Variants in CDH13 observed in about 807,000 individuals in gnomAD.
CDH13 encodes the protein cadherin-13.
CDH13 carries 24 observed loss-of-function variants against 63.8 expected under a neutral mutation model. That is an observed-to-expected ratio of 0.38 (90% CI 0.27 to 0.53). The LOEUF (loss-of-function observed/expected upper bound fraction) is 0.53. Among genes scored for constraint, CDH13 ranks in the 20% least tolerant of loss-of-function variants. CDH13 has a pLI of 0.85. For synonymous variants in CDH13, 503 were observed against 355.3 expected (o/e 1.42, Z -4.67); for missense variants, 1,049 against 903.1 (o/e 1.16, Z -2.07).
chr16:83,657,160 C>T (rs905740078), intron 8 of CDH13, among the ~76,000 whole-genome samples: 1 of 152,294 alleles, frequency 6.6e-6, no homozygotes, highest in South Asian at 2.1e-4. Context: ...AACTAACAGA[C>T]TGTGGATCCA....
chr16:83,163,721 G>A (rs937829266), intron 4 of CDH13, among the ~76,000 whole-genome samples: 4 of 152,058 alleles, frequency 2.6e-5, no homozygotes, highest in Admixed American at 6.6e-5. Flanking sequence ...GGCTTCTTCA[G>A]TGTGGGTTCT....
chr16:83,420,917 A>G (rs1313470728), intron 6 of CDH13, among the ~76,000 whole-genome samples: 1 of 152,212 alleles, frequency 6.6e-6, no homozygotes, highest in African/African-American at 2.4e-5. Flanking sequence ...CTAGCAGGGG[A>G]AAAAGAAGTA....
chr16:83,034,827 A>G (rs1440996742), intron 3 of CDH13, among the ~76,000 whole-genome samples: 1 of 152,108 alleles, frequency 6.6e-6, no homozygotes, highest in African/African-American at 2.4e-5. Flanking sequence ...TTGTACCTCA[A>G]GTTTCTGTGA....
At chr16:83,451,296 G>A (rs1031851342) in intron 6 of CDH13, among the ~76,000 whole-genome samples, 12 of 152,150 alleles carry the variant, frequency 7.9e-5, no homozygotes, top group Non-Finnish European at 1.5e-4. Context: ...CATCTTACAT[G>A]GCAGCAGGCA....
At chr16:83,732,655 C>T (rs937874524) in intron 10 of CDH13, among the ~76,000 whole-genome samples, 3 of 152,168 alleles carry the variant, frequency 2.0e-5, no homozygotes, top group South Asian at 2.1e-4. Context: ...TGTTCCCACA[C>T]GTAGAAACAG....
At chr16:82,677,639 C>G (rs1478388893) in intron 1 of CDH13, among the ~76,000 whole-genome samples, 1 of 152,106 alleles carries the variant, frequency 6.6e-6, no homozygotes, top group Non-Finnish European at 1.5e-5. Context: ...GTATCAGAGG[C>G]AGGACTCTGA....
At chr16:83,549,839 C>G (rs1336619607) in intron 7 of CDH13, among the ~76,000 whole-genome samples, 1 of 152,094 alleles carries the variant, frequency 6.6e-6, no homozygotes, top group Non-Finnish European at 1.5e-5. Context: ...TTACTGTAAT[C>G]AAGGCATTTG....
intron 2 of CDH13, among the ~76,000 whole-genome samples, chr16:82,987,001 A>C (rs1387512786): frequency 6.6e-6 from 1 of 152,234 alleles, no homozygotes; most frequent in Admixed American, 6.5e-5. Context: ...TGATGGAATT[A>C]GAATTTAGGG....
At chr16:83,777,763 C>A (rs552462636) in intron 11 of CDH13, among the ~76,000 whole-genome samples, 6 of 152,190 alleles carry the variant, frequency 3.9e-5, no homozygotes, top group Non-Finnish European at 5.9e-5. Context: ...CTTCTAACCC[C>A]CGTGTAACCT....
At position 83,646,712 on chromosome 16, in the gene CDH13, A is replaced by AAAAAAAACACACAC. The variant is rs1168012793; in HGVS notation, c.1102-24077_1102-24076insAAAAAACACACACA. On this transcript the variant is annotated intron_variant, in intron 8 of 13. Coordinates refer to ENST00000567109, the MANE Select transcript of CDH13 (RefSeq NM_001257.5). ...CGTCTCAAAAAAAAAAAAAAAAAAA[A>AAAAAAAACACACAC]ACACACACACACACACACACACACA... Among the ~76,000 whole-genome samples the AAAAAAAACACACAC allele has an allele frequency of 1.2e-3, 98 of 80,490 alleles. 1 individual carries two copies. The highest frequency in any genetic ancestry group is 1.5e-3 in the Non-Finnish European group (63 of 40,820). The allele number at this position is 80,490 out of a possible 152,430, so 52.8% of individuals were successfully genotyped here. A position where few individuals can be genotyped will look rare whatever the true frequency, so the allele number is the denominator to read the frequency against.
At chr16:83,531,319 C>G (rs1439127638) in intron 7 of CDH13, among the ~76,000 whole-genome samples, 1 of 152,158 alleles carries the variant, frequency 6.6e-6, no homozygotes, top group Non-Finnish European at 1.5e-5. Context: ...GAAGGCAGCA[C>G]AGTATAATAG....
At chr16:83,669,226 C>T (rs1413058343) in intron 8 of CDH13, among the ~76,000 whole-genome samples, 1 of 152,126 alleles carries the variant, frequency 6.6e-6, no homozygotes, top group Admixed American at 6.5e-5. Context: ...GGACCCCGGG[C>T]AGTTTCTCTT....
chr16:83,125,434 C>A lies in CDH13; in HGVS notation c.416C>A (p.Ser139Tyr). 6.2e-7 allele frequency: 1 copy of A among 1,611,884 alleles called. No homozygotes were observed. The highest frequency in any genetic ancestry group is 8.5e-7 in the Non-Finnish European group (1 of 1,178,072). ...TCTCCTGTCCCAAGACAAAAGAGGT[C>A]CATTGTGGTATCTCCCATTTTAATT... ...RTSPVPRQKR[S>Y]IVVSPILIPE... is the part of the protein sequence containing the mutation. The change falls in exon 4 of 14, where the codon TCC becomes TAC. Residue 139 changes from serine to tyrosine, a missense_variant. Ser to Tyr is a moderately radical substitution (Grantham distance 144). Coordinates refer to ENST00000567109, the MANE Select transcript of CDH13 (RefSeq NM_001257.5).
At chr16:82,665,904 A>C (rs776389121) in intron 1 of CDH13, among the ~76,000 whole-genome samples, 15 of 152,196 alleles carry the variant, frequency 9.9e-5, no homozygotes, top group Admixed American at 2.0e-4. Flanking sequence ...GTATTGTACC[A>C]CATATTTCTG....
intron 13 of CDH13, 46 bp from the exon 14 acceptor site, chr16:83,794,977 T>C (rs753319920): frequency 1.9e-6 from 3 of 1,564,682 alleles, no homozygotes; most frequent in Non-Finnish European, 1.7e-6. Flanking sequence ...ATGTTTTGAA[T>C]TGAGTGGTGA....
At chr16:83,688,581 A>G (rs1043576310) in intron 10 of CDH13, among the ~76,000 whole-genome samples, 6 of 152,242 alleles carry the variant, frequency 3.9e-5, no homozygotes, top group African/African-American at 9.6e-5. Context: ...ACTGACCTCA[A>G]TAACAGGATC....
At chr16:83,213,282 G>C (rs555066231) in intron 4 of CDH13, among the ~76,000 whole-genome samples, 4 of 152,136 alleles carry the variant, frequency 2.6e-5, no homozygotes, top group Admixed American at 2.0e-4. Context: ...AAATGACTGA[G>C]ACCCACCCTT....
At chr16:82,759,508 G>T (rs1353001558) in intron 1 of CDH13, among the ~76,000 whole-genome samples, 2 of 150,936 alleles carry the variant, frequency 1.3e-5, no homozygotes, top group Non-Finnish European at 2.9e-5. Flanking sequence ...ATAGGGGATT[G>T]TATATTAATA....
chr16:82,718,751 G>A (rs572914785), intron 1 of CDH13, among the ~76,000 whole-genome samples: 3 of 152,114 alleles, frequency 2.0e-5, no homozygotes, highest in Admixed American at 1.3e-4. Flanking sequence ...CTCGTGAGAC[G>A]ATCACAAGAA....
Sources: allele counts gnomAD v4.1 joint callset (sites outside exome capture counted in the v4.1 genomes callset), GRCh38; gene constraint gnomAD v4.1.1; transcripts MANE v1.5; gene names NCBI Gene and HGNC (gene_info 2026-07-23, HGNC 2026-07-21).